Variants in RPTOR observed in about 807,000 individuals in gnomAD.
RPTOR encodes the protein regulatory associated protein of MTOR complex 1, also known as regulatory-associated protein of mTOR.
A neutral mutation model predicts 169.9 loss-of-function variants in RPTOR; 21 were observed. That is an observed-to-expected ratio of 0.12 (90% CI 0.09 to 0.18). The LOEUF (loss-of-function observed/expected upper bound fraction) is 0.18. Ranked by LOEUF, RPTOR falls within the 10% of genes least tolerant of loss-of-function variation. The pLI is 1.00. For missense variants in RPTOR, 1,133 were observed against 1,855.9 expected (o/e 0.61, Z 7.16); for synonymous variants, 732 against 753.2 (o/e 0.97, Z 0.46).
intron 24 of RPTOR, among the ~76,000 whole-genome samples, chr17:80,930,461 AG>A (rs2068881441): frequency 6.6e-6 from 1 of 151,654 alleles, no homozygotes; most frequent in Non-Finnish European, 1.5e-5. Flanking sequence ...GCTCATCCCC[AG>A]CTCATCCCCA....
chr17:80,665,505 TG>T (rs1344827944), intron 3 of RPTOR, among the ~76,000 whole-genome samples: 3 of 30,958 alleles, frequency 9.7e-5, no homozygotes, highest in East Asian at 1.3e-3. Context: ...TTCCTTTCCA[TG>T]TCCTTTCCTT....
intron 3 of RPTOR, among the ~76,000 whole-genome samples, chr17:80,673,748 T>C (rs2065839951): frequency 6.6e-6 from 1 of 152,244 alleles, no homozygotes; most frequent in Non-Finnish European, 1.5e-5. Context: ...GTTTGAGATT[T>C]CTGTCTAAAG....
At chr17:80,569,549 G>GAATA (rs1413836132) in intron 1 of RPTOR, among the ~76,000 whole-genome samples, 1 of 152,070 alleles carries the variant, frequency 6.6e-6, no homozygotes, top group East Asian at 1.9e-4. Flanking sequence ...ATGAATGAAT[G>GAATA]AATAAATAAA....
intron 6 of RPTOR, among the ~76,000 whole-genome samples, chr17:80,763,196 T>C (rs1229490306): frequency 6.6e-6 from 1 of 151,942 alleles, no homozygotes; most frequent in Non-Finnish European, 1.5e-5. Context: ...CAGTGAGCTG[T>C]GATTGTGCCA....
At chr17:80,630,767 AG>A (rs1169278653) in intron 2 of RPTOR, among the ~76,000 whole-genome samples, 2 of 152,210 alleles carry the variant, frequency 1.3e-5, no homozygotes, top group Non-Finnish European at 2.9e-5. Flanking sequence ...CAGGCAGGCC[AG>A]GGGGTTTTCC....
At chr17:80,623,446 A>G (rs1202827584) in intron 1 of RPTOR, among the ~76,000 whole-genome samples, 1 of 152,226 alleles carries the variant, frequency 6.6e-6, no homozygotes, top group Non-Finnish European at 1.5e-5. Context: ...AAAATTAAAA[A>G]TACTTTTATT....
At chr17:80,634,504 A>ATACTGTGTGTGTGTGCG (rs1164031031) in intron 2 of RPTOR, among the ~76,000 whole-genome samples, 1 of 66,542 alleles carries the variant, frequency 1.5e-5, no homozygotes, top group Non-Finnish European at 2.7e-5. Context: ...GTGTGTGTGC[A>ATACTGTGTGTGTGTGCG]TACTGTGTGT....
rs1394133455 is a variant in RPTOR, at chr17:80,845,426, A to C, written c.1213-1047A>C. 6.6e-6 allele frequency among the ~76,000 whole-genome samples: 1 copy of C among 150,704 alleles called. No homozygotes were observed. Among genetic ancestry groups the C allele is most frequent in the African/African-American group, 2.4e-5 (1 of 40,832 alleles). On this transcript the variant is annotated intron_variant, in intron 10 of 33. Coordinates refer to ENST00000306801, the MANE Select transcript of RPTOR (RefSeq NM_020761.3). The surrounding 1 kb of genome is among the most constrained non-coding windows in gnomAD (Gnocchi z 5.4). ...AGAGAGTACCCTCGTTTCCCATTTC[A>C]CTGAGGAAACAAGAAGCAGTCGCAT...
intron 13 of RPTOR, among the ~76,000 whole-genome samples, chr17:80,859,758 G>A (rs996370438): frequency 2.0e-5 from 3 of 152,230 alleles, no homozygotes; most frequent in Non-Finnish European, 2.9e-5. Flanking sequence ...GCGCTTGTGC[G>A]TGCATGTGTG....
chr17:80,864,502 CAG>C (rs1330633781), intron 13 of RPTOR, among the ~76,000 whole-genome samples: 1 of 147,638 alleles, frequency 6.8e-6, no homozygotes, highest in African/African-American at 2.5e-5. Flanking sequence ...GAGAGAGAGA[CAG>C]AGAAAGAGAA....
chr17:80,567,003 C>G (rs1456980566), intron 1 of RPTOR, among the ~76,000 whole-genome samples: 3 of 151,660 alleles, frequency 2.0e-5, no homozygotes, highest in Non-Finnish European at 2.9e-5. Flanking sequence ...CAGAGTCTCA[C>G]TCCATCACCC....
chr17:80,695,554 C>T lies in RPTOR; in HGVS notation c.349-12287C>T, dbSNP rs917847228. On this transcript the variant is annotated intron_variant, in intron 3 of 33. Coordinates refer to ENST00000306801, the MANE Select transcript of RPTOR (RefSeq NM_020761.3). The surrounding 1 kb of genome is among the most constrained non-coding windows in gnomAD (Gnocchi z 4.9). ...TCCACTGCGAGAGTGCCTGGGGATG[C>T]CTGCCAGCCACCCAGAGCCAGCGTC... Among the ~76,000 whole-genome samples the T allele has an allele frequency of 6.6e-6, 1 of 152,122 alleles. No individual in the cohort carries two copies. Among genetic ancestry groups the T allele is most frequent in the Non-Finnish European group, 1.5e-5 (1 of 68,016 alleles).
At chr17:80,866,941 C>T (rs1002234009) in intron 13 of RPTOR, among the ~76,000 whole-genome samples, 2 of 152,094 alleles carry the variant, frequency 1.3e-5, no homozygotes, top group South Asian at 2.1e-4. Context: ...CAGATGACTT[C>T]GCCAGTGAAT....
At chr17:80,635,569 T>C (rs2065499406) in intron 2 of RPTOR, among the ~76,000 whole-genome samples, 1 of 151,846 alleles carries the variant, frequency 6.6e-6, no homozygotes. Context: ...CACCATCCAG[T>C]GGAAAGTGGA....
In RPTOR at chr17:80,959,983, C is replaced by A; in HGVS notation, c.3478-95C>A. 1 of 1,501,678 alleles carries A rather than the reference C, an allele frequency of 6.7e-7. No homozygotes were observed. Among genetic ancestry groups the A allele is most frequent in the Non-Finnish European group, 9.1e-7 (1 of 1,096,144 alleles). 93.0% of individuals were successfully genotyped at this position (1,501,678 alleles called of 1,614,324 possible). ...AGCCAGGGAGGGTGATCCCCACAGC[C>A]AGGCAGGCAGCAAGAGGGGTCCTGG... On this transcript the variant is annotated intron_variant, in intron 29 of 33. Coordinates refer to ENST00000306801, the MANE Select transcript of RPTOR (RefSeq NM_020761.3). The surrounding 1 kb of genome is among the most constrained non-coding windows in gnomAD (Gnocchi z 6.7).
rs2316057 is a variant in RPTOR, at chr17:80,741,880, A to C, written c.654+11174A>C. On this transcript the variant is annotated intron_variant, in intron 5 of 33. Coordinates refer to ENST00000306801, the MANE Select transcript of RPTOR (RefSeq NM_020761.3). Reference sequence around the variant, plus strand: ...GGAAAAGGAGAGGCACTGACAGACCAGACCAGAGAAGTAGCCAGGCAGTTG... The same window carrying C: ...GGAAAAGGAGAGGCACTGACAGACCCGACCAGAGAAGTAGCCAGGCAGTTG... Among the ~76,000 whole-genome samples the C allele has an allele frequency of 6.6e-5, 10 of 152,036 alleles. No homozygotes were observed. In the South Asian group the frequency reaches 1.9e-3, roughly 28 times the overall value.
At chr17:80,956,749 A>AC (rs2069255269) in intron 28 of RPTOR, among the ~76,000 whole-genome samples, 1 of 152,208 alleles carries the variant, frequency 6.6e-6, no homozygotes, top group Non-Finnish European at 1.5e-5. Flanking sequence ...TGGGCACCTA[A>AC]CAGACGTTCC....
In RPTOR at chr17:80,545,448, CAG is replaced by C; in HGVS notation, c.-179_-178del. 1 of 477,200 alleles carries C rather than the reference CAG, an allele frequency of 2.1e-6. No homozygotes were observed. 29.6% of individuals were successfully genotyped at this position (477,200 alleles called of 1,614,324 possible). ...GGCCCCCACCTCCCCACTTCCCGCT[CAG>C]AGTTAGAGATAAGGATCTCAGACTT... On this transcript the variant is annotated 5_prime_UTR_variant, in exon 1 of 34. Transcript: ENST00000306801.
rs1272371097 is a variant in RPTOR at position 80,962,443 on chromosome 17, G to A, written c.3693-18G>A. ...GGGGCCTCCGGGAGGAGGTGTCACT[G>A]TGACCCTCTCTTGGCAGCGTCAATG... On this transcript the variant is annotated intron_variant, in intron 31 of 33. Coordinates refer to ENST00000306801, the MANE Select transcript of RPTOR (RefSeq NM_020761.3). 1 of 1,607,170 alleles carries A rather than the reference G, an allele frequency of 6.2e-7. No individual in the cohort carries two copies. Among genetic ancestry groups the A allele is most frequent in the Admixed American group, 1.7e-5 (1 of 59,896 alleles).
Sources: gnomAD v4.1 joint callset for allele counts (sites outside exome capture counted in the v4.1 genomes callset) on GRCh38, gnomAD v4.1.1 for gene constraint, Gnocchi (gnomAD v3.1) non-coding constraint, MANE v1.5 for transcripts, NCBI Gene and HGNC (gene_info 2026-07-23, HGNC 2026-07-21) for gene names.